Variants in MAGI1 observed in about 807,000 individuals in gnomAD.
MAGI1 encodes membrane associated guanylate kinase, WW and PDZ domain containing 1.
Under a neutral mutation model 139.9 loss-of-function variants are expected in MAGI1, and 58 were observed. That is an observed-to-expected ratio of 0.41 (90% confidence interval 0.34 to 0.52). The LOEUF (loss-of-function observed/expected upper bound fraction) is 0.52, where lower values mean the gene tolerates loss of function less well. Ranked by LOEUF, MAGI1 falls within the 20% of genes least tolerant of loss-of-function variation. The pLI is 0.12. For missense variants in MAGI1, 1,874 were observed against 1,901.6 expected (o/e 0.99, Z 0.27); for synonymous variants, 812 against 737.9 (o/e 1.10, Z -1.63).
intron 1 of MAGI1, among the ~76,000 whole-genome samples, chr3:65,667,876 A>T (rs978763611): frequency 3.9e-5 from 6 of 151,906 alleles, no homozygotes; most frequent in African/African-American, 1.5e-4. Context: ...GAAGAAACCA[A>T]TTTTTTTTAA....
intron 1 of MAGI1, among the ~76,000 whole-genome samples, chr3:65,815,606 G>A (rs1376348236): frequency 6.6e-6 from 1 of 152,066 alleles, no homozygotes; most frequent in Non-Finnish European, 1.5e-5. Context: ...TAGCAAGAAT[G>A]TTATTTTAAA....
intron 1 of MAGI1, among the ~76,000 whole-genome samples, chr3:65,770,102 G>A (rs2037828167): frequency 6.6e-6 from 1 of 152,194 alleles, no homozygotes; most frequent in African/African-American, 2.4e-5. Context: ...GAGAGAGGCA[G>A]AAGAAGACAC....
At chr3:65,470,516 AGAG>A in intron 4 of MAGI1, 32 bp from the exon 5 acceptor site, 1 of 1,389,820 alleles carries the variant, frequency 7.2e-7, no homozygotes, top group Non-Finnish European at 9.8e-7. Flanking sequence ...TGAGAGAGAG[AGAG>A]AGAGAAAAAA....
chr3:65,760,418 T>C (rs188382188), intron 1 of MAGI1, among the ~76,000 whole-genome samples: 42 of 151,878 alleles, frequency 2.8e-4, no homozygotes, highest in African/African-American at 9.4e-4. Flanking sequence ...AGATGGGGTC[T>C]TGTTCTGTCA....
At chr3:65,445,793 A>G (rs773683161) in intron 7 of MAGI1, among the ~76,000 whole-genome samples, 1 of 152,178 alleles carries the variant, frequency 6.6e-6, no homozygotes, top group Non-Finnish European at 1.5e-5. Context: ...CTATAATCAA[A>G]TGATCTGTGT....
chr3:65,778,209 C>T (rs1418830514), intron 1 of MAGI1, among the ~76,000 whole-genome samples: 2 of 152,220 alleles, frequency 1.3e-5, no homozygotes. Context: ...GCTGGCGGAT[C>T]ACCTGAGGTA....
At chr3:65,364,417 G>A (rs917402697) in intron 20 of MAGI1, among the ~76,000 whole-genome samples, 5 of 152,024 alleles carry the variant, frequency 3.3e-5, no homozygotes, top group Non-Finnish European at 2.9e-5. Context: ...TCTAACTGCC[G>A]ATCCTTGTGA....
intron 1 of MAGI1, among the ~76,000 whole-genome samples, chr3:65,791,000 AGGAAG>A (rs1247230070): frequency 6.6e-6 from 1 of 152,196 alleles, no homozygotes; most frequent in Non-Finnish European, 1.5e-5. Flanking sequence ...ACTTGAGCCC[AGGAAG>A]CGGAGGTTGC....
At chr3:65,599,147 G>A (rs1213276735) in intron 2 of MAGI1, among the ~76,000 whole-genome samples, 12 of 152,130 alleles carry the variant, frequency 7.9e-5, no homozygotes, top group Non-Finnish European at 1.8e-4. Context: ...AGAGGGGAAA[G>A]GAAGCAAGGG....
intron 2 of MAGI1, among the ~76,000 whole-genome samples, chr3:65,587,761 C>T (rs139507730): frequency 5.3e-5 from 8 of 152,192 alleles, no homozygotes; most frequent in East Asian, 1.9e-4. Flanking sequence ...AGATTACAGA[C>T]GTGAACCAAG....
chr3:65,619,947 C>G (rs1350686963), intron 2 of MAGI1: 1 of 985,254 alleles, frequency 1.0e-6, no homozygotes, highest in African/African-American at 1.7e-5. Context: ...GGGCTTTATA[C>G]CAGCAAAAAC....
intron 2 of MAGI1, among the ~76,000 whole-genome samples, chr3:65,519,974 A>G (rs12631934): frequency 0.32 from 48,840 of 152,092 alleles, 9,592 homozygotes; most frequent in East Asian, 0.73. Context: ...CCTTTGGCAC[A>G]GCAGCTCTTA....
intron 1 of MAGI1, among the ~76,000 whole-genome samples, chr3:65,768,318 G>C (rs903440553): frequency 6.6e-6 from 1 of 152,104 alleles, no homozygotes; most frequent in Non-Finnish European, 1.5e-5. Flanking sequence ...TACTCAGGGG[G>C]CTGAGGCAGG....
chr3:65,526,774 T>G (rs1576188806), intron 2 of MAGI1, among the ~76,000 whole-genome samples: 1 of 152,156 alleles, frequency 6.6e-6, no homozygotes, highest in African/African-American at 2.4e-5. Context: ...TTCCCTCAAC[T>G]GACATTGTGG....
intron 1 of MAGI1, among the ~76,000 whole-genome samples, chr3:65,878,344 T>G (rs2060196294): frequency 6.6e-6 from 1 of 151,968 alleles, no homozygotes; most frequent in African/African-American, 2.4e-5. Flanking sequence ...TGGTGAAACC[T>G]CGTCTCGACA....
intron 1 of MAGI1, among the ~76,000 whole-genome samples, chr3:65,988,927 G>C (rs778492496): frequency 6.6e-6 from 1 of 151,454 alleles, no homozygotes; most frequent in East Asian, 1.9e-4. Flanking sequence ...TTTCTCATTC[G>C]ACCCTTACTC....
intron 1 of MAGI1, among the ~76,000 whole-genome samples, chr3:65,760,999 C>T (rs1157965855): frequency 1.3e-5 from 2 of 152,082 alleles, no homozygotes; most frequent in Admixed American, 6.6e-5. Context: ...ACATATGTAG[C>T]GCCCATAGAC....
intron 1 of MAGI1, among the ~76,000 whole-genome samples, chr3:65,840,467 T>C (rs2058767335): frequency 6.6e-6 from 1 of 152,240 alleles, no homozygotes; most frequent in Non-Finnish European, 1.5e-5. Flanking sequence ...GATTTTATCA[T>C]GGATAGGCAT....
intron 1 of MAGI1, among the ~76,000 whole-genome samples, chr3:65,649,091 AG>A (rs2085435221): frequency 1.3e-5 from 2 of 152,266 alleles, no homozygotes; most frequent in East Asian, 3.9e-4. Context: ...AAAACTATAA[AG>A]TGTGTGAAAA....
Sources: allele counts gnomAD v4.1 joint callset (sites outside exome capture counted in the v4.1 genomes callset), GRCh38; gene constraint gnomAD v4.1.1; transcripts MANE v1.5; gene names NCBI Gene and HGNC (gene_info 2026-07-23, HGNC 2026-07-21).